The following SGCZ variants were observed in gnomAD, a reference collection of about 807,000 sequenced individuals.
The protein encoded by SGCZ is zeta-sarcoglycan.
A neutral mutation model predicts 41.3 loss-of-function variants in SGCZ; 40 were observed. The ratio of observed to expected loss-of-function variants is 0.97; its 90% confidence interval spans 0.75 to 1.26. The LOEUF (loss-of-function observed/expected upper bound fraction) is 1.26. Ranked by LOEUF, SGCZ falls within the 50% of genes most tolerant of loss-of-function variation. The pLI, the probability that SGCZ is intolerant of heterozygous loss-of-function variation, is 0.00. For synonymous variants in SGCZ, 206 were observed against 137.5 expected (o/e 1.50, Z -3.49); for missense variants, 552 against 369.8 (o/e 1.49, Z -4.04).
chr8:14,687,881 G>A (rs1055569975), intron 1 of SGCZ, among the ~76,000 whole-genome samples: 15 of 152,206 alleles, frequency 9.9e-5, no homozygotes, highest in African/African-American at 3.4e-4. Flanking sequence ...TTTAATGATT[G>A]TCATTCTAAC....
At chr8:15,037,973 T>C (rs867727030) in intron 1 of SGCZ, among the ~76,000 whole-genome samples, 1 of 151,852 alleles carries the variant, frequency 6.6e-6, no homozygotes, top group Non-Finnish European at 1.5e-5. Flanking sequence ...CACAAACATA[T>C]AAAAGATTCA....
intron 6 of SGCZ, among the ~76,000 whole-genome samples, chr8:14,105,338 T>C (rs1192046017): frequency 1.3e-5 from 2 of 152,136 alleles, no homozygotes; most frequent in African/African-American, 2.4e-5. Flanking sequence ...TAATAAACTT[T>C]TGAAATGTAT....
chr8:14,374,645 C>G (rs1484650587), intron 2 of SGCZ, among the ~76,000 whole-genome samples: 1 of 152,090 alleles, frequency 6.6e-6, no homozygotes, highest in African/African-American at 2.4e-5. Flanking sequence ...CATAGGGAGG[C>G]CAGACCACAT....
intron 2 of SGCZ, among the ~76,000 whole-genome samples, chr8:14,396,013 A>G (rs1034960011): frequency 1.1e-4 from 17 of 152,176 alleles, no homozygotes. Flanking sequence ...ATGTGCGTTT[A>G]TGATCGGAGA....
chr8:14,960,238 GTATT>G lies in SGCZ; in HGVS notation c.39+277343_39+277346del, dbSNP rs202004097. ...TGTAAAAGGCACTACAGTGTAGACT[GTATT>G]TATTGTAACGCTTGGATCAGCTGCA... On this transcript the variant is annotated intron_variant, in intron 1 of 7. Transcript: ENST00000382080. Among the ~76,000 whole-genome samples, 74 of 152,158 alleles carry G rather than the reference GTATT, an allele frequency of 4.9e-4. 1 individual carries two copies. In the East Asian group the frequency reaches 0.014, roughly 28 times the overall value.
At chr8:14,815,611 G>A (rs962248304) in intron 1 of SGCZ, among the ~76,000 whole-genome samples, 1 of 152,116 alleles carries the variant, frequency 6.6e-6, no homozygotes, top group Admixed American at 6.6e-5. Flanking sequence ...ACCACACAGA[G>A]TATGTATAGA....
At chr8:14,608,354 C>T (rs773360337) in intron 1 of SGCZ, among the ~76,000 whole-genome samples, 5 of 151,252 alleles carry the variant, frequency 3.3e-5, no homozygotes, top group Admixed American at 6.6e-5. Flanking sequence ...GTTTCTTTGG[C>T]TCACCGTTCT....
At chr8:14,680,368 G>A (rs1808402939) in intron 1 of SGCZ, among the ~76,000 whole-genome samples, 1 of 152,094 alleles carries the variant, frequency 6.6e-6, no homozygotes, top group South Asian at 2.1e-4. Flanking sequence ...ATAATGATAT[G>A]TCAGTATAGG....
chr8:14,470,815 T>C (rs1801193305), intron 2 of SGCZ, among the ~76,000 whole-genome samples: 1 of 152,178 alleles, frequency 6.6e-6, no homozygotes, highest in South Asian at 2.1e-4. Flanking sequence ...TAGAAAAGAT[T>C]GCTTTGCCAT....
At chr8:14,980,858 T>A (rs1159796905) in intron 1 of SGCZ, among the ~76,000 whole-genome samples, 1 of 151,924 alleles carries the variant, frequency 6.6e-6, no homozygotes, top group East Asian at 1.9e-4. Flanking sequence ...TGTCTCTCTA[T>A]CTATCTTTTA....
At chr8:15,065,930 G>A (rs930848179) in intron 1 of SGCZ, among the ~76,000 whole-genome samples, 1 of 152,186 alleles carries the variant, frequency 6.6e-6, no homozygotes, top group African/African-American at 2.4e-5. Context: ...TGAAATATGT[G>A]AAATTTCACG....
chr8:14,621,755 C>A (rs1257661462), intron 1 of SGCZ, among the ~76,000 whole-genome samples: 1 of 152,060 alleles, frequency 6.6e-6, no homozygotes, highest in East Asian at 1.9e-4. Context: ...GAAACCCACT[C>A]CCATGATCCC....
At chr8:15,085,144 T>C (rs954821515) in intron 1 of SGCZ, among the ~76,000 whole-genome samples, 22 of 152,162 alleles carry the variant, frequency 1.4e-4, no homozygotes, top group African/African-American at 5.3e-4. Context: ...CTTTGACAAA[T>C]GTAGACAGCC....
chr8:14,841,056 A>T (rs1380682190), intron 1 of SGCZ, among the ~76,000 whole-genome samples: 2 of 152,144 alleles, frequency 1.3e-5, no homozygotes, highest in Non-Finnish European at 2.9e-5. Flanking sequence ...GTCTTGTAGC[A>T]ATAAAATGGA....
At chr8:14,835,333 C>A (rs569868693) in intron 1 of SGCZ, among the ~76,000 whole-genome samples, 2 of 152,170 alleles carry the variant, frequency 1.3e-5, no homozygotes, top group African/African-American at 4.8e-5. Context: ...TGTAGTTATA[C>A]ATTAAAAGGT....
At chr8:14,960,948 C>G (rs563888044) in intron 1 of SGCZ, among the ~76,000 whole-genome samples, 8 of 147,498 alleles carry the variant, frequency 5.4e-5, no homozygotes, top group Non-Finnish European at 1.2e-4. Flanking sequence ...CACACACACA[C>G]ACACACACAC....
At chr8:14,564,217 T>C (rs1804290169) in intron 1 of SGCZ, among the ~76,000 whole-genome samples, 1 of 152,202 alleles carries the variant, frequency 6.6e-6, no homozygotes, top group Non-Finnish European at 1.5e-5. Context: ...CCATGCAAAT[T>C]TAATCTGGAT....
At chr8:14,491,312 C>T (rs1188965967) in intron 2 of SGCZ, among the ~76,000 whole-genome samples, 2 of 144,664 alleles carry the variant, frequency 1.4e-5, no homozygotes, top group Admixed American at 1.5e-4. Context: ...TGGATCAACA[C>T]ATAAAATACT....
chr8:14,661,837 T>A (rs11989707), intron 1 of SGCZ, among the ~76,000 whole-genome samples: 51,462 of 144,330 alleles, frequency 0.36, 11,231 homozygotes, highest in African/African-American at 0.63. Flanking sequence ...TGATCTCAAA[T>A]TGTTAAAAAA....
Sources: gnomAD v4.1 joint callset for allele counts (sites outside exome capture counted in the v4.1 genomes callset) on GRCh38, gnomAD v4.1.1 for gene constraint, MANE v1.5 for transcripts, NCBI Gene and HGNC (gene_info 2026-07-23, HGNC 2026-07-21) for gene names.